LY96: variants seen among roughly 807,000 people sequenced by gnomAD.
The protein encoded by LY96 is lymphocyte antigen 96.
Under a neutral mutation model 18.9 loss-of-function variants are expected in LY96, and 18 were observed. That is an observed-to-expected ratio of 0.95 (90% CI 0.66 to 1.41). LY96 has a LOEUF of 1.41. LY96 is among the 40% of genes most tolerant of loss of function. The pLI is 0.00. For missense variants in LY96, 175 were observed against 182.4 expected (o/e 0.96, Z 0.23); for synonymous variants, 66 against 62.6 (o/e 1.06, Z -0.26).
chr8:74,009,428 G>C (rs988077146), intron 2 of LY96, among the ~76,000 whole-genome samples: 5 of 149,776 alleles, frequency 3.3e-5, no homozygotes, highest in African/African-American at 1.2e-4. Context: ...GAAAGAAAAG[G>C]ATTGTGCATC....
At chr8:74,062,449 C>A in the LY96 span, among the ~76,000 whole-genome samples, 1 of 151,806 alleles carries the variant, frequency 6.6e-6, no homozygotes, top group Admixed American at 6.6e-5. Flanking sequence ...CCTGTGTCCA[C>A]GTGTTCTCAA....
chr8:74,096,149 T>G, the LY96 span, among the ~76,000 whole-genome samples: 1 of 152,204 alleles, frequency 6.6e-6, no homozygotes, highest in Non-Finnish European at 1.5e-5. Context: ...TGCAACCACT[T>G]TGGTCTGATC....
At chr8:74,035,383 G>A in the LY96 span, among the ~76,000 whole-genome samples, 2 of 152,224 alleles carry the variant, frequency 1.3e-5, no homozygotes, top group East Asian at 1.9e-4. Flanking sequence ...AGGCAGCCAC[G>A]CCGCCCTGGC....
At chr8:74,069,490 T>G in the LY96 span, among the ~76,000 whole-genome samples, 12,315 of 152,248 alleles carry the variant, frequency 0.081, 854 homozygotes, top group African/African-American at 0.19. Flanking sequence ...GAAATATGTG[T>G]TGTTTCCATA....
chr8:74,085,213 T>A, the LY96 span, among the ~76,000 whole-genome samples: 1 of 152,348 alleles, frequency 6.6e-6, no homozygotes, highest in East Asian at 1.9e-4. Context: ...ATTTTACAGA[T>A]GTGGAAACAA....
At chr8:74,071,570 C>A in the LY96 span, among the ~76,000 whole-genome samples, 23 of 152,270 alleles carry the variant, frequency 1.5e-4, 1 homozygote, top group African/African-American at 5.3e-4. Context: ...AACCACTTCT[C>A]CACCCAAGAC....
At position 74,029,010 on chromosome 8, in the gene LY96, T is replaced by C; in HGVS notation, c.439T>C (p.Phe147Leu). The change falls in exon 5 of 5, where the codon TTT becomes CTT. Residue 147 changes from phenylalanine (F) to leucine (L), a missense_variant. Physicochemically the swap from Phe to Leu is conservative, Grantham distance 22 (BLOSUM62 0). Coordinates refer to ENST00000284818, the MANE Select transcript of LY96 (RefSeq NM_015364.5). ...TTCTGGGAGCCCAGAAGAAATGCTC[T>C]TTTGCTTGGAGTTTGTCATCCTACA... is the stretch of plus-strand genomic sequence containing the variant. ...AISGSPEEML[F>L]CLEFVILHQP... 1 of 1,612,684 alleles carries C rather than the reference T, an allele frequency of 6.2e-7. No individual in the cohort carries two copies. Among genetic ancestry groups the C allele is most frequent in the Non-Finnish European group, 8.5e-7 (1 of 1,179,214 alleles).
chr8:74,004,946 A>G (rs1816381564), intron 2 of LY96, 61 bp downstream of exon 2: 1 of 1,512,830 alleles, frequency 6.6e-7, no homozygotes, highest in South Asian at 1.1e-5. Flanking sequence ...TCAGTGATAA[A>G]TGATTGTGTT....
At chr8:74,009,976 C>G (rs1226743347) in intron 2 of LY96, 25 bp from the exon 3 acceptor site, 1 of 1,546,064 alleles carries the variant, frequency 6.5e-7, no homozygotes, top group African/African-American at 1.4e-5. Flanking sequence ...TATTTGAGGG[C>G]CTAATGGGAT....
chr8:73,992,099 G>A (rs1418223314), intron 1 of LY96, among the ~76,000 whole-genome samples: 4 of 152,176 alleles, frequency 2.6e-5, no homozygotes, highest in African/African-American at 9.7e-5. Flanking sequence ...TACTTGATAA[G>A]GGTGTTGTGA....
At chr8:74,084,752 T>A in the LY96 span, among the ~76,000 whole-genome samples, 12 of 152,306 alleles carry the variant, frequency 7.9e-5, no homozygotes, top group East Asian at 2.3e-3. Context: ...TAGCTGGGAT[T>A]ACAGGCGCCT....
chr8:74,097,572 G>T, the LY96 span, among the ~76,000 whole-genome samples: 1 of 152,092 alleles, frequency 6.6e-6, no homozygotes, highest in Non-Finnish European at 1.5e-5. Context: ...AGCTGGGTGT[G>T]GTGATGTGTG....
chr8:74,099,689 T>C, the LY96 span: 1 of 152,246 alleles, frequency 6.6e-6, no homozygotes, highest in East Asian at 1.9e-4. Context: ...ATCTGTTGAA[T>C]ATGTACACTT....
chr8:74,074,391 T>G, the LY96 span, among the ~76,000 whole-genome samples: 1 of 152,200 alleles, frequency 6.6e-6, no homozygotes, highest in African/African-American at 2.4e-5. Flanking sequence ...ATTTTTCTTT[T>G]GATTCTTTTT....
downstream of LY96, among the ~76,000 whole-genome samples, chr8:74,029,577 C>T (rs531226250): frequency 3.2e-4 from 49 of 152,240 alleles, no homozygotes; most frequent in Non-Finnish European, 5.4e-4. Context: ...AAGAAGGACG[C>T]GTTTGCTTCC....
At chr8:74,014,156 C>T (rs1389784140) in intron 3 of LY96, among the ~76,000 whole-genome samples, 3 of 151,522 alleles carry the variant, frequency 2.0e-5, no homozygotes, top group Admixed American at 1.3e-4. Flanking sequence ...AAATCAAGAC[C>T]CTCTTGGGCT....
intron 1 of LY96, among the ~76,000 whole-genome samples, chr8:74,002,089 TTCTTTCTCTC>T (rs1373673670): frequency 0.012 from 312 of 25,062 alleles, 63 homozygotes; most frequent in East Asian, 0.054. Context: ...CTTTCTTTCT[TTCTTTCTCTC>T]TCTCTCTCTC....
At chr8:74,067,254 CAG>C in the LY96 span, among the ~76,000 whole-genome samples, 1 of 152,110 alleles carries the variant, frequency 6.6e-6, no homozygotes, top group African/African-American at 2.4e-5. Context: ...TTTTTTGAGA[CAG>C]AGTCTTGCTC....
At chr8:74,033,616 AT>A (rs985375450), downstream of LY96, among the ~76,000 whole-genome samples, 2 of 152,240 alleles carry the variant, frequency 1.3e-5, no homozygotes, top group Non-Finnish European at 2.9e-5. Flanking sequence ...GACAGCTCCC[AT>A]CTAACCAGAG....
Sources: allele counts gnomAD v4.1 joint callset (sites outside exome capture counted in the v4.1 genomes callset), GRCh38; gene constraint gnomAD v4.1.1; transcripts MANE v1.5; gene names NCBI Gene and HGNC (gene_info 2026-07-23, HGNC 2026-07-21).